The following FMN1 variants were observed in gnomAD, a reference collection of about 807,000 sequenced individuals.
FMN1 encodes formin-1.
FMN1 carries 110 observed loss-of-function variants against 132.4 expected under a neutral mutation model. The observed-to-expected ratio is 0.83, with a 90% CI of 0.71 to 0.97. FMN1 has a LOEUF of 0.97. FMN1 is among the 50% of genes least tolerant of loss of function. The probability of loss-of-function intolerance (pLI) is 0.00; values close to 1 mark genes in which losing one functional copy is unlikely to be tolerated. For missense variants in FMN1, 1,792 were observed against 1,705.3 expected (o/e 1.05, Z -0.90); for synonymous variants, 722 against 651.7 (o/e 1.11, Z -1.64).
At chr15:33,120,292 T>C (rs28576918) in intron 4 of FMN1, among the ~76,000 whole-genome samples, 4 of 152,194 alleles carry the variant, frequency 2.6e-5, no homozygotes, top group Non-Finnish European at 5.9e-5. Flanking sequence ...CTGCTAAAGA[T>C]AGCAGATGTG....
chr15:32,788,226 C>T (rs565337094), intron 19 of FMN1, among the ~76,000 whole-genome samples: 1 of 152,346 alleles, frequency 6.6e-6, no homozygotes, highest in African/African-American at 2.4e-5. Flanking sequence ...AGACATAACA[C>T]CCAGAGCCGA....
At chr15:33,035,754 G>C (rs1022597721) in intron 6 of FMN1, among the ~76,000 whole-genome samples, 1 of 152,070 alleles carries the variant, frequency 6.6e-6, no homozygotes, top group Non-Finnish European at 1.5e-5. Context: ...TATTTACTAT[G>C]TGCTATGATT....
intron 6 of FMN1, among the ~76,000 whole-genome samples, chr15:33,053,185 C>T (rs886939086): frequency 3.9e-5 from 6 of 152,194 alleles, no homozygotes; most frequent in Non-Finnish European, 8.8e-5. Context: ...CACTGGTGGA[C>T]GCCAGCCAAC....
intron 4 of FMN1, among the ~76,000 whole-genome samples, chr15:33,128,173 G>A (rs953970585): frequency 2.1e-5 from 3 of 144,698 alleles, no homozygotes; most frequent in African/African-American, 8.7e-5. Flanking sequence ...GAGAAATAAA[G>A]CAAGCAAACA....
At chr15:33,020,240 G>A (rs936488436) in intron 6 of FMN1, among the ~76,000 whole-genome samples, 21 of 152,152 alleles carry the variant, frequency 1.4e-4, no homozygotes, top group African/African-American at 4.6e-4. Flanking sequence ...AAATACTATC[G>A]CCAGGTAAAC....
At chr15:32,810,079 G>A (rs1385385713) in intron 17 of FMN1, among the ~76,000 whole-genome samples, 1 of 151,932 alleles carries the variant, frequency 6.6e-6, no homozygotes, top group Admixed American at 6.6e-5. Context: ...ACCATGGCTG[G>A]CTAATTTTTG....
chr15:32,968,142 G>C (rs539020305), intron 8 of FMN1, among the ~76,000 whole-genome samples: 1 of 152,342 alleles, frequency 6.6e-6, no homozygotes, highest in Admixed American at 6.5e-5. Flanking sequence ...GAAGATGTGA[G>C]AGTACTTAGC....
At chr15:32,975,643 T>C (rs144384890) in intron 7 of FMN1, among the ~76,000 whole-genome samples, 1 of 152,174 alleles carries the variant, frequency 6.6e-6, no homozygotes, top group Non-Finnish European at 1.5e-5. Flanking sequence ...ATTTTTTTTT[T>C]AATGAAGGTA....
At chr15:33,165,396 C>T (rs942634771) in intron 3 of FMN1, among the ~76,000 whole-genome samples, 10 of 152,122 alleles carry the variant, frequency 6.6e-5, no homozygotes, top group Non-Finnish European at 1.0e-4. Flanking sequence ...GTAGGTTTTT[C>T]TTTCTTTTTT....
At chr15:33,117,367 C>A (rs948000161) in intron 4 of FMN1, among the ~76,000 whole-genome samples, 1 of 141,506 alleles carries the variant, frequency 7.1e-6, no homozygotes, top group African/African-American at 2.5e-5. Flanking sequence ...AGCATCGAAA[C>A]CATAGCTGCA....
intron 16 of FMN1, among the ~76,000 whole-genome samples, chr15:32,864,854 A>AT (rs1414219800): frequency 1.3e-5 from 2 of 152,236 alleles, no homozygotes; most frequent in Non-Finnish European, 2.9e-5. Context: ...AACAATCCAA[A>AT]TGCCCATCCA....
intron 4 of FMN1, among the ~76,000 whole-genome samples, chr15:33,119,172 A>G (rs1464224018): frequency 1.3e-5 from 2 of 152,140 alleles, no homozygotes; most frequent in Non-Finnish European, 2.9e-5. Context: ...ATCTAGTTAG[A>G]TTCATCTCTA....
At chr15:33,026,124 CACACACACAG>C (rs774108527) in intron 6 of FMN1, among the ~76,000 whole-genome samples, 5 of 118,742 alleles carry the variant, frequency 4.2e-5, no homozygotes, top group Non-Finnish European at 7.6e-5. Context: ...CACACACACA[CACACACACAG>C]AGGTTGATTG....
intron 6 of FMN1, among the ~76,000 whole-genome samples, chr15:33,056,497 C>A (rs2037222173): frequency 6.6e-6 from 1 of 152,206 alleles, no homozygotes; most frequent in Admixed American, 6.5e-5. Flanking sequence ...TTATTTTAAA[C>A]ACAGTTTGAA....
intron 12 of FMN1, among the ~76,000 whole-genome samples, chr15:32,903,807 T>C (rs1302381589): frequency 3.3e-5 from 5 of 152,202 alleles, no homozygotes; most frequent in Admixed American, 3.3e-4. Context: ...TAGGATAGAA[T>C]TGCAAGGCTC....
intron 17 of FMN1, among the ~76,000 whole-genome samples, chr15:32,839,498 A>C (rs2058699413): frequency 6.6e-6 from 1 of 152,170 alleles, no homozygotes; most frequent in African/African-American, 2.4e-5. Context: ...CGGATTCCAC[A>C]GCAGGGCACT....
intron 4 of FMN1, chr15:33,151,468 C>A: frequency 7.3e-7 from 1 of 1,372,422 alleles, no homozygotes; most frequent in Non-Finnish European, 9.9e-7. Flanking sequence ...ACTCAGTGGG[C>A]TCACGGTCAG....
chr15:32,898,300 A>G (rs990161291), intron 15 of FMN1, among the ~76,000 whole-genome samples: 32 of 145,508 alleles, frequency 2.2e-4, no homozygotes, highest in Non-Finnish European at 2.5e-4. Flanking sequence ...CTTGTTCTCA[A>G]TTTAACAAGA....
At chr15:33,007,905 G>T in intron 7 of FMN1, 109 bp downstream of exon 7, 1 of 855,138 alleles carries the variant, frequency 1.2e-6, no homozygotes, top group South Asian at 1.9e-5. Flanking sequence ...TGCAAGATGC[G>T]ATGCTGTCTA....
Sources: gnomAD v4.1 joint callset for allele counts (sites outside exome capture counted in the v4.1 genomes callset) on GRCh38, gnomAD v4.1.1 for gene constraint, MANE v1.5 for transcripts, NCBI Gene and HGNC (gene_info 2026-07-23, HGNC 2026-07-21) for gene names.